The following ACTL8 variants were observed in gnomAD, a reference collection of about 807,000 sequenced individuals.
The protein encoded by ACTL8 is actin-like protein 8.
In ACTL8, 3 loss-of-function variants were observed where a neutral mutation model predicts 9.3. The ratio of observed to expected loss-of-function variants is 0.32; its 90% confidence interval spans 0.15 to 0.83. The LOEUF is 0.83. Ranked by LOEUF, ACTL8 falls within the 40% of genes least tolerant of loss-of-function variation. The probability of loss-of-function intolerance (pLI) is 0.57; values close to 1 mark genes in which losing one functional copy is unlikely to be tolerated. For missense variants in ACTL8, 381 were observed against 492.2 expected (o/e 0.77, Z 2.14); for synonymous variants, 224 against 205.9 (o/e 1.09, Z -0.75).
At chr1:17,791,729 G>A (rs1301827225) in intron 1 of ACTL8, among the ~76,000 whole-genome samples, 2 of 152,254 alleles carry the variant, frequency 1.3e-5, no homozygotes, top group African/African-American at 4.8e-5. Flanking sequence ...GTGGAACGAG[G>A]AGGGTGATGT....
chr1:17,794,575 T>C (rs1451178872), intron 1 of ACTL8, among the ~76,000 whole-genome samples: 3 of 152,244 alleles, frequency 2.0e-5, no homozygotes, highest in Non-Finnish European at 4.4e-5. Flanking sequence ...ACTAGGAAGC[T>C]CAGTGAAATT....
chr1:17,820,006 CAA>C (rs79091819), intron 1 of ACTL8, among the ~76,000 whole-genome samples: 1 of 138,802 alleles, frequency 7.2e-6, no homozygotes. Flanking sequence ...GATCCTGTCT[CAA>C]AAAAAAAAAA....
At position 17,821,352 on chromosome 1, in the gene ACTL8, G is replaced by C. The variant is rs117260238; in HGVS notation, c.-24-1633G>C. ...AATGTTCTAAGGAAACTTTGCCTTC[G>C]TGGTTTCTCCTAGGTGTTCTTTTAG... On this transcript the variant is annotated intron_variant, in intron 1 of 2. Transcript: ENST00000375406. Among the ~76,000 whole-genome samples, 71 of 152,262 alleles carry C rather than the reference G, an allele frequency of 4.7e-4. No homozygotes were observed. The East Asian group carries it at 0.013, about 29-fold the overall frequency.
chr1:17,792,320 C>T lies in ACTL8; in HGVS notation c.-24-30665C>T, dbSNP rs532733317. ...GAAACTGAGGCTTGGAGTTAGCTTT[C>T]ATAGGCCCATGGCTGGTTTGATCAA... On this transcript the variant is annotated intron_variant, in intron 1 of 2. Transcript: ENST00000375406. Among the ~76,000 whole-genome samples the T allele has an allele frequency of 1.0e-3, 159 of 152,320 alleles. 4 individuals are homozygous for T. Among genetic ancestry groups the T allele is most frequent in the African/African-American group, 3.7e-3 (154 of 41,580 alleles).
At chr1:17,782,639 G>A (rs1342059029) in intron 1 of ACTL8, among the ~76,000 whole-genome samples, 1 of 152,170 alleles carries the variant, frequency 6.6e-6, no homozygotes, top group African/African-American at 2.4e-5. Flanking sequence ...GCCACATAGA[G>A]TTCTGTTGTC....
chr1:17,758,253 A>G (rs559916926), intron 1 of ACTL8, among the ~76,000 whole-genome samples: 64 of 152,346 alleles, frequency 4.2e-4, no homozygotes, highest in South Asian at 8.3e-4. Flanking sequence ...GTGGGCACAC[A>G]TTGGAGAGGG....
intron 1 of ACTL8, among the ~76,000 whole-genome samples, chr1:17,777,048 C>A (rs988774947): frequency 7.6e-6 from 1 of 130,764 alleles, no homozygotes; most frequent in African/African-American, 2.8e-5. Context: ...GATCTTGAAT[C>A]CTGGGCCTGG....
At chr1:17,820,692 C>T (rs374205636) in intron 1 of ACTL8, among the ~76,000 whole-genome samples, 1 of 152,080 alleles carries the variant, frequency 6.6e-6, no homozygotes, top group African/African-American at 2.4e-5. Flanking sequence ...CTCAGCCCCC[C>T]CAGTAGCTGG....
intron 1 of ACTL8, among the ~76,000 whole-genome samples, chr1:17,792,000 C>T (rs552622253): frequency 6.6e-6 from 1 of 151,588 alleles, no homozygotes; most frequent in East Asian, 1.9e-4. Flanking sequence ...ATCCTGCCCC[C>T]CCTCATCAAC....
At chr1:17,808,495 T>C (rs1439515727) in intron 1 of ACTL8, among the ~76,000 whole-genome samples, 1 of 152,222 alleles carries the variant, frequency 6.6e-6, no homozygotes, top group African/African-American at 2.4e-5. Flanking sequence ...GAATCTTGAC[T>C]ACACTCAAAG....
intron 1 of ACTL8, among the ~76,000 whole-genome samples, chr1:17,804,613 T>C (rs1479795035): frequency 6.6e-6 from 1 of 151,884 alleles, no homozygotes; most frequent in Non-Finnish European, 1.5e-5. Flanking sequence ...CATCTTTTTT[T>C]TTTTTTCTTT....
intron 1 of ACTL8, among the ~76,000 whole-genome samples, chr1:17,818,850 G>A (rs1487279758): frequency 6.6e-6 from 1 of 152,206 alleles, no homozygotes; most frequent in Non-Finnish European, 1.5e-5. Context: ...TTAGTAGAAT[G>A]TAAACTCCAG....
chr1:17,820,429 AT>A (rs987831788), intron 1 of ACTL8, among the ~76,000 whole-genome samples: 2 of 152,076 alleles, frequency 1.3e-5, no homozygotes, highest in African/African-American at 4.8e-5. Context: ...GTTGGTTTCT[AT>A]TTTTGGCAGT....
intron 1 of ACTL8, among the ~76,000 whole-genome samples, chr1:17,766,147 C>T (rs905588884): frequency 1.3e-5 from 2 of 152,218 alleles, no homozygotes; most frequent in Admixed American, 6.5e-5. Flanking sequence ...GGGTGCTCCA[C>T]GGCTGTGATG....
At chr1:17,790,183 C>T (rs377614287) in intron 1 of ACTL8, among the ~76,000 whole-genome samples, 14 of 152,190 alleles carry the variant, frequency 9.2e-5, no homozygotes, top group East Asian at 1.9e-4. Context: ...CAAAGGCACT[C>T]GGAAGCTTGG....
intron 1 of ACTL8, among the ~76,000 whole-genome samples, chr1:17,794,233 G>T (rs2066261613): frequency 6.6e-6 from 1 of 152,176 alleles, no homozygotes; most frequent in Admixed American, 6.5e-5. Flanking sequence ...TTAGCCCGTG[G>T]TTAAGAGCCC....
intron 1 of ACTL8, among the ~76,000 whole-genome samples, chr1:17,784,125 G>A (rs1442754600): frequency 1.3e-5 from 2 of 152,240 alleles, no homozygotes; most frequent in East Asian, 3.8e-4. Flanking sequence ...TCTGGAGGCT[G>A]TACGGGAACC....
chr1:17,773,107 T>C (rs945924204), intron 1 of ACTL8, among the ~76,000 whole-genome samples: 3 of 152,252 alleles, frequency 2.0e-5, no homozygotes, highest in East Asian at 1.9e-4. Flanking sequence ...CTCGAGAAGA[T>C]AGGGAGTTTG....
intron 1 of ACTL8, among the ~76,000 whole-genome samples, chr1:17,760,906 T>C (rs1038901480): frequency 6.6e-6 from 1 of 152,196 alleles, no homozygotes; most frequent in Non-Finnish European, 1.5e-5. Context: ...TTACTGGCTA[T>C]AAAACCGATC....
Sources: allele counts gnomAD v4.1 joint callset (sites outside exome capture counted in the v4.1 genomes callset), GRCh38; gene constraint gnomAD v4.1.1; transcripts MANE v1.5; gene names NCBI Gene and HGNC (gene_info 2026-07-23, HGNC 2026-07-21).